The following HTR2C variants were observed in gnomAD, a reference collection of about 807,000 sequenced individuals.
HTR2C encodes 5-hydroxytryptamine (serotonin) receptor 2C, G protein-coupled.
HTR2C carries 5 observed loss-of-function variants against 21.0 expected under a neutral mutation model. The ratio of observed to expected loss-of-function variants is 0.24; its 90% confidence interval spans 0.12 to 0.50. HTR2C has a LOEUF of 0.50. HTR2C is among the 20% of genes least tolerant of loss of function. The pLI, the probability that HTR2C is intolerant of heterozygous loss-of-function variation, is 0.98. For missense variants in HTR2C, 271 were observed against 371.2 expected, an observed-to-expected ratio of 0.73 and a Z score of 2.22; for synonymous variants, 150 against 145.3, an observed-to-expected ratio of 1.03 and a Z score of -0.23.
At chrX:114,790,263 C>T (rs1476331149) in intron 4 of HTR2C, among the ~76,000 whole-genome samples, 4 of 111,563 alleles carry the variant, frequency 3.6e-5, no homozygotes, top group African/African-American at 6.5e-5. Flanking sequence ...TAATCAAAAA[C>T]CTTATGGTAT....
chrX:114,899,884 CA>C (rs1182871676), intron 5 of HTR2C, among the ~76,000 whole-genome samples: 3 of 111,653 alleles, frequency 2.7e-5, no homozygotes, highest in African/African-American at 9.8e-5. Context: ...CTTTAGTTGA[CA>C]TGAAAAAGTC....
chrX:114,621,199 A>G (rs1556401647), intron 2 of HTR2C, among the ~76,000 whole-genome samples: 1 of 111,945 alleles, frequency 8.9e-6, no homozygotes, highest in Non-Finnish European at 1.9e-5. Context: ...TGCATTTCTA[A>G]CCAGCTCCCA....
At chrX:114,800,037 G>A (rs1386733158) in intron 4 of HTR2C, among the ~76,000 whole-genome samples, 1 of 110,598 alleles carries the variant, frequency 9.0e-6, no homozygotes, top group Non-Finnish European at 1.9e-5. Flanking sequence ...CTTTTGAGTA[G>A]GGTCTTAAAA....
chrX:114,884,387 A>G (rs782115947), intron 5 of HTR2C, among the ~76,000 whole-genome samples: 78 of 111,325 alleles, frequency 7.0e-4, no homozygotes, highest in African/African-American at 2.4e-3. Flanking sequence ...ATGGGAGAAA[A>G]TGTTTGTAAA....
intron 2 of HTR2C, among the ~76,000 whole-genome samples, chrX:114,697,420 A>G (rs1005011748): frequency 8.9e-6 from 1 of 112,556 alleles, no homozygotes. Flanking sequence ...CAAATCCAAT[A>G]AAGTTTTTCT....
chrX:114,814,453 T>C lies in HTR2C; in HGVS notation c.350-33550T>C, dbSNP rs192556874. Among the ~76,000 whole-genome samples, 10 of 109,539 alleles carry C rather than the reference T, an allele frequency of 9.1e-5. No homozygotes were observed. In the East Asian group the frequency reaches 2.9e-3, roughly 31 times the overall value. On this transcript the variant is annotated intron_variant, in intron 4 of 5. Coordinates refer to ENST00000276198, the MANE Select transcript of HTR2C (RefSeq NM_000868.4). ...TCATGGAACCTAAAACTATAATTTG[T>C]ATACATCTATCCAGTGTTAACAATT...
intron 2 of HTR2C, among the ~76,000 whole-genome samples, chrX:114,695,256 G>T (rs1041076940): frequency 1.1e-4 from 12 of 112,295 alleles, no homozygotes; most frequent in African/African-American, 3.6e-4. Flanking sequence ...CCCAATGATT[G>T]TATGATATGG....
At position 114,613,899 on chromosome X, in the gene HTR2C, C is replaced by T. The variant is rs1319673363; in HGVS notation, c.-80+18C>T. 3 of 111,623 alleles carry T rather than the reference C, an allele frequency of 2.7e-5. No homozygotes were observed. The highest frequency in any genetic ancestry group is 3.8e-5 in the Non-Finnish European group (2 of 53,137). The allele number at this position is 111,623 out of a possible 1,213,427, so 9.2% of individuals were successfully genotyped here. On this transcript the variant is annotated intron_variant, in intron 2 of 5. Transcript: ENST00000276198. Reference sequence around the variant, plus strand: ...AAACAACTGTAAGTATACACATAAGCGTGCCTCAAGACTCTTATTTTGAAA... The same window carrying T: ...AAACAACTGTAAGTATACACATAAGTGTGCCTCAAGACTCTTATTTTGAAA...
At chrX:114,644,129 G>A (rs907565864) in intron 2 of HTR2C, among the ~76,000 whole-genome samples, 10 of 107,359 alleles carry the variant, frequency 9.3e-5, no homozygotes, top group East Asian at 5.9e-4. Flanking sequence ...GGTCACTTGA[G>A]GTCAGGAGTT....
In HTR2C at chrX:114,588,758, C is replaced by T. The variant is rs1405802659; in HGVS notation, c.-147+4099C>T. 2.7e-5 allele frequency among the ~76,000 whole-genome samples: 3 copies of T among 112,223 alleles called. No individual in the cohort carries two copies. The East Asian group carries it at 8.4e-4, about 31-fold the overall frequency. The stretch of plus-strand genomic sequence containing the variant: ...CAGTAATCAAGACTCACTGAATACT[C>T]TTCAATTATAGCTTCCTGTAATCAA... On this transcript the variant is annotated intron_variant, in intron 1 of 5. Coordinates refer to ENST00000276198, the MANE Select transcript of HTR2C (RefSeq NM_000868.4).
In HTR2C at chrX:114,592,706, G is replaced by A. The variant is rs12397038; in HGVS notation, c.-147+8047G>A. 2.4e-3 allele frequency among the ~76,000 whole-genome samples: 269 copies of A among 111,692 alleles called. 1 individual carries two copies. The highest frequency in any genetic ancestry group is 8.3e-3 in the African/African-American group (255 of 30,738). On this transcript the variant is annotated intron_variant, in intron 1 of 5. Transcript: ENST00000276198. ...TTTCTGAAAAATGTTGTTCAAATGT[G>A]CCACCTTTTAAATTCCATTGTGATT...
At chrX:114,801,266 A>G (rs2070343351) in intron 4 of HTR2C, among the ~76,000 whole-genome samples, 1 of 111,598 alleles carries the variant, frequency 9.0e-6, no homozygotes, top group Non-Finnish European at 1.9e-5. Context: ...CCCAAGGTTC[A>G]TCCATCATCA....
chrX:114,901,300 C>T (rs2071335306), intron 5 of HTR2C, among the ~76,000 whole-genome samples: 1 of 111,896 alleles, frequency 8.9e-6, no homozygotes, highest in African/African-American at 3.2e-5. Context: ...ACCTCTTTTG[C>T]AGTAAAATAA....
chrX:114,881,066 A>C (rs184236421), intron 5 of HTR2C, among the ~76,000 whole-genome samples: 2 of 110,705 alleles, frequency 1.8e-5, no homozygotes, highest in East Asian at 5.7e-4. Flanking sequence ...CTGTGTGTAA[A>C]GTGGTATCTC....
chrX:114,741,814 TAAAC>T (rs1472406077), intron 4 of HTR2C, among the ~76,000 whole-genome samples: 1 of 108,943 alleles, frequency 9.2e-6, no homozygotes, highest in Non-Finnish European at 1.9e-5. Flanking sequence ...CTCAGAAAAA[TAAAC>T]AAAAACAGAT....
intron 2 of HTR2C, among the ~76,000 whole-genome samples, chrX:114,722,359 G>T (rs1933255241): frequency 9.0e-6 from 1 of 111,206 alleles, no homozygotes; most frequent in East Asian, 2.8e-4. Flanking sequence ...TTTGCACATT[G>T]ATTTTGTATC....
chrX:114,763,663 C>T (rs1321532849), intron 4 of HTR2C, among the ~76,000 whole-genome samples: 3 of 110,889 alleles, frequency 2.7e-5, no homozygotes, highest in Non-Finnish European at 5.7e-5. Flanking sequence ...AAAAGCTTAG[C>T]AGGTAACTTG....
intron 2 of HTR2C, among the ~76,000 whole-genome samples, chrX:114,615,321 A>G (rs782339877): frequency 3.0e-4 from 33 of 111,751 alleles, no homozygotes; most frequent in Middle Eastern, 4.6e-3. Context: ...TTTAATACAT[A>G]TTGAAAAGAG....
intron 4 of HTR2C, among the ~76,000 whole-genome samples, chrX:114,734,947 G>A (rs782666812): frequency 3.3e-4 from 37 of 111,309 alleles, no homozygotes; most frequent in African/African-American, 1.2e-3. Flanking sequence ...TGTCCATTAA[G>A]GCTATAAAAA....
Sources: gnomAD v4.1 joint callset for allele counts (sites outside exome capture counted in the v4.1 genomes callset) on GRCh38, gnomAD v4.1.1 for gene constraint, MANE v1.5 for transcripts, NCBI Gene and HGNC (gene_info 2026-07-23, HGNC 2026-07-21) for gene names.